The following SV2C variants were observed in gnomAD, a reference collection of about 807,000 sequenced individuals.
SV2C encodes the protein synaptic vesicle glycoprotein 2C, also known as solute carrier family 22 member B3.
Under a neutral mutation model 79.7 loss-of-function variants are expected in SV2C, and 49 were observed. That is an observed-to-expected ratio of 0.61 (90% confidence interval 0.49 to 0.78). The LOEUF (loss-of-function observed/expected upper bound fraction) is 0.78, where lower values mean the gene tolerates loss of function less well. Ranked by LOEUF, SV2C falls within the 30% of genes least tolerant of loss-of-function variation. The pLI, the probability that SV2C is intolerant of heterozygous loss-of-function variation, is 0.00. For synonymous variants in SV2C, 334 were observed against 333.2 expected (o/e 1.00, Z -0.03); for missense variants, 833 against 912.9 (o/e 0.91, Z 1.13).
chr5:76,152,639 A>T (rs559574093), intron 2 of SV2C, among the ~76,000 whole-genome samples: 1 of 152,284 alleles, frequency 6.6e-6, no homozygotes, highest in South Asian at 2.1e-4. Context: ...CCCAGGGCAG[A>T]GGTGTGGTGG....
At chr5:75,866,782 A>G in the SV2C span, among the ~76,000 whole-genome samples, 1 of 152,206 alleles carries the variant, frequency 6.6e-6, no homozygotes, top group Non-Finnish European at 1.5e-5. Flanking sequence ...GCTCCAAGAT[A>G]GAAAAGTTAG....
At chr5:75,946,662 A>G in the SV2C span, among the ~76,000 whole-genome samples, 1 of 152,154 alleles carries the variant, frequency 6.6e-6, no homozygotes, top group Non-Finnish European at 1.5e-5. Context: ...TAAGCAAAAC[A>G]AGGTAGACTC....
chr5:76,262,529 A>G (rs575169756), intron 4 of SV2C, among the ~76,000 whole-genome samples: 1 of 152,120 alleles, frequency 6.6e-6, no homozygotes, highest in South Asian at 2.1e-4. Context: ...TTAGGTGTCG[A>G]TTTTAAGGGA....
chr5:76,063,214 T>C, the SV2C span, among the ~76,000 whole-genome samples: 1 of 152,136 alleles, frequency 6.6e-6, no homozygotes. Flanking sequence ...CGAGAGCAAG[T>C]TTGTCTTGTT....
intron 1 of SV2C, among the ~76,000 whole-genome samples, chr5:76,109,787 G>T (rs192211692): frequency 6.6e-6 from 1 of 152,180 alleles, no homozygotes; most frequent in Non-Finnish European, 1.5e-5. Flanking sequence ...CAGAGGGAAC[G>T]TGGCTCTGCT....
the SV2C span, among the ~76,000 whole-genome samples, chr5:75,963,052 A>G: frequency 6.6e-6 from 1 of 152,144 alleles, no homozygotes; most frequent in Non-Finnish European, 1.5e-5. Context: ...AATGTGTAAA[A>G]TGCAGTGGAG....
At chr5:75,878,664 C>A in the SV2C span, among the ~76,000 whole-genome samples, 4 of 151,994 alleles carry the variant, frequency 2.6e-5, no homozygotes, top group Non-Finnish European at 5.9e-5. Flanking sequence ...TAGTGGTGGT[C>A]CTGATATAAG....
chr5:75,851,758 C>T, the SV2C span, among the ~76,000 whole-genome samples: 12 of 152,160 alleles, frequency 7.9e-5, no homozygotes, highest in Non-Finnish European at 1.6e-4. Context: ...CTGCTGCCTC[C>T]GCTGCCTCAG....
At chr5:76,078,683 C>T, upstream of SV2C, 1 of 476,428 alleles carries the variant, frequency 2.1e-6, no homozygotes, top group South Asian at 1.8e-5. Flanking sequence ...CAGCATGGCA[C>T]AGCAAGATCA....
At chr5:76,162,139 A>C in intron 2 of SV2C, among the ~76,000 whole-genome samples, 1 of 152,192 alleles carries the variant, frequency 6.6e-6, no homozygotes, top group Non-Finnish European at 1.5e-5. Flanking sequence ...ATAAGATTAT[A>C]GCAACACCAA....
chr5:76,039,940 C>T, the SV2C span, among the ~76,000 whole-genome samples: 136 of 152,100 alleles, frequency 8.9e-4, no homozygotes, highest in Non-Finnish European at 7.4e-4. Context: ...AAATGGGTAT[C>T]ATTGTCTAAC....
At chr5:75,942,278 G>T in the SV2C span, among the ~76,000 whole-genome samples, 1 of 152,166 alleles carries the variant, frequency 6.6e-6, no homozygotes, top group Non-Finnish European at 1.5e-5. Context: ...GTAAACATAA[G>T]TAAGGGTTTC....
chr5:76,224,245 C>T (rs1249981345), intron 4 of SV2C, among the ~76,000 whole-genome samples: 1 of 152,122 alleles, frequency 6.6e-6, no homozygotes. Flanking sequence ...ACTTGAAACA[C>T]GGATATCTTT....
chr5:75,899,508 G>T, the SV2C span, among the ~76,000 whole-genome samples: 1 of 152,172 alleles, frequency 6.6e-6, no homozygotes, highest in African/African-American at 2.4e-5. Flanking sequence ...TTTTGGAATA[G>T]GTGTGGTGTG....
At chr5:75,912,479 C>T in the SV2C span, among the ~76,000 whole-genome samples, 2 of 151,910 alleles carry the variant, frequency 1.3e-5, no homozygotes, top group Non-Finnish European at 2.9e-5. Context: ...AGAGTAAGAC[C>T]CTGTCTCAAA....
chr5:75,865,857 C>T, the SV2C span, among the ~76,000 whole-genome samples: 1,424 of 152,306 alleles, frequency 9.3e-3, 23 homozygotes, highest in African/African-American at 0.03. Flanking sequence ...GTTAGCCAAC[C>T]TTTGTCACCA....
chr5:75,889,186 A>G, the SV2C span, among the ~76,000 whole-genome samples: 5 of 151,378 alleles, frequency 3.3e-5, no homozygotes, highest in South Asian at 2.1e-4. Context: ...TGCTGCATCT[A>G]TCAACTCGTC....
chr5:76,213,957 T>G lies in SV2C; in HGVS notation c.913+4070T>G, dbSNP rs182886245. On this transcript the variant is annotated intron_variant, in intron 4 of 12. Coordinates refer to ENST00000502798, the MANE Select transcript of SV2C (RefSeq NM_014979.4). Reference sequence around the variant, plus strand: ...TTCAGATTTCACATATCGGTGAGTTTGTGCAATATTTGTCTTTTCATGTCT... The same window carrying G: ...TTCAGATTTCACATATCGGTGAGTTGGTGCAATATTTGTCTTTTCATGTCT... Among the ~76,000 whole-genome samples the G allele has an allele frequency of 9.6e-4, 146 of 152,304 alleles. 1 individual carries two copies. Among genetic ancestry groups the G allele is most frequent in the Middle Eastern group, 6.8e-3 (2 of 294 alleles).
the SV2C span, among the ~76,000 whole-genome samples, chr5:75,941,137 C>T: frequency 6.6e-5 from 10 of 152,192 alleles, no homozygotes; most frequent in South Asian, 1.0e-3. Context: ...CCCAGAGAAC[C>T]TTTCAGTTGG....
Sources: allele counts gnomAD v4.1 joint callset (sites outside exome capture counted in the v4.1 genomes callset), GRCh38; gene constraint gnomAD v4.1.1; transcripts MANE v1.5; gene names NCBI Gene and HGNC (gene_info 2026-07-23, HGNC 2026-07-21).